BTBD7: variants seen among roughly 807,000 people sequenced by gnomAD.
BTBD7 encodes BTB/POZ domain-containing protein 7.
A neutral mutation model predicts 99.9 loss-of-function variants in BTBD7; 38 were observed. The ratio of observed to expected loss-of-function variants is 0.38; its 90% CI spans 0.29 to 0.50. The LOEUF is 0.50. Ranked by LOEUF, BTBD7 falls within the 20% of genes least tolerant of loss-of-function variation. The pLI is 0.93. For missense variants in BTBD7, 1,170 were observed against 1,394.6 expected (o/e 0.84, Z 2.57); for synonymous variants, 520 against 511.4 (o/e 1.02, Z -0.23).
chr14:93,288,392 T>C (rs576959380), intron 3 of BTBD7: 1 of 637,700 alleles, frequency 1.6e-6, no homozygotes, highest in East Asian at 2.7e-5. Context: ...ATGCTTCCAT[T>C]ATATCTTTCA....
chr14:93,268,065 C>A (rs552516100), intron 3 of BTBD7, among the ~76,000 whole-genome samples: 54 of 152,318 alleles, frequency 3.5e-4, no homozygotes, highest in Admixed American at 3.2e-3. Flanking sequence ...CCCATCCCTG[C>A]GCAGACTCTA....
chr14:93,308,069 C>T (rs187685426), intron 1 of BTBD7, among the ~76,000 whole-genome samples: 6 of 151,946 alleles, frequency 3.9e-5, no homozygotes, highest in South Asian at 2.1e-4. Flanking sequence ...CCGAGGTGGG[C>T]GGATCATGAG....
chr14:93,289,138 G>T (rs1243820228), intron 3 of BTBD7, among the ~76,000 whole-genome samples: 1 of 152,120 alleles, frequency 6.6e-6, no homozygotes, highest in Non-Finnish European at 1.5e-5. Flanking sequence ...CAGACAAATG[G>T]ACCACTGGGA....
intron 1 of BTBD7, among the ~76,000 whole-genome samples, chr14:93,319,107 T>C (rs565639821): frequency 2.0e-5 from 3 of 152,304 alleles, no homozygotes; most frequent in African/African-American, 7.2e-5. Flanking sequence ...CTCCGGAGGC[T>C]GAGATGAGGG....
chr14:93,253,515 G>T, intron 7 of BTBD7, 132 bp downstream of exon 7: 1 of 779,494 alleles, frequency 1.3e-6, no homozygotes, highest in Non-Finnish European at 1.8e-6. Flanking sequence ...AGTCAAACTA[G>T]AACTTACTTT....
intron 3 of BTBD7, chr14:93,288,250 T>C (rs2052804490): frequency 4.4e-6 from 2 of 459,344 alleles, no homozygotes; most frequent in Non-Finnish European, 7.6e-6. Flanking sequence ...TCTTCACTTT[T>C]CTCTGGTATA....
intron 6 of BTBD7, among the ~76,000 whole-genome samples, chr14:93,254,605 A>G (rs1369339254): frequency 1.3e-5 from 2 of 152,208 alleles, no homozygotes; most frequent in African/African-American, 4.8e-5. Context: ...CATCTCCTTT[A>G]CCTGGGCTTC....
intron 1 of BTBD7, among the ~76,000 whole-genome samples, chr14:93,327,018 A>G (rs1460213506): frequency 3.3e-5 from 5 of 151,906 alleles, no homozygotes; most frequent in Admixed American, 3.3e-4. Flanking sequence ...AAAATTAGCC[A>G]GGCATGGTGG....
At chr14:93,286,852 G>A (rs761385316) in intron 3 of BTBD7, among the ~76,000 whole-genome samples, 2 of 152,144 alleles carry the variant, frequency 1.3e-5, no homozygotes, top group African/African-American at 4.8e-5. Context: ...AGACTTCAAA[G>A]ATATGATAAA....
chr14:93,294,644 G>A lies in BTBD7; in HGVS notation c.376C>T (p.Arg126Trp), dbSNP rs767008228. ...LQASLARPEARTLQKDMADLY... is the reference protein window; with the variant it reads ...LQASLARPEAWTLQKDMADLY... ...TCAGCCATATCTTTCTGCAATGTCCGGGCTTCTGGTCTAGCCAAACTGGCT... is the reference window on the plus strand; with the variant it reads ...TCAGCCATATCTTTCTGCAATGTCCAGGCTTCTGGTCTAGCCAAACTGGCT... Residue 126 changes from arginine to tryptophan, a missense_variant, in exon 3 of 11, where the codon CGG (arginine) becomes TGG (tryptophan). Transcript: ENST00000334746. 9.3e-6 allele frequency: 15 copies of A among 1,613,920 alleles called. No individual in the cohort carries two copies. Among genetic ancestry groups the A allele is most frequent in the Admixed American group, 1.7e-5 (1 of 59,990 alleles).
intron 1 of BTBD7, among the ~76,000 whole-genome samples, chr14:93,311,884 G>A (rs1202568261): frequency 6.6e-6 from 1 of 150,458 alleles, no homozygotes; most frequent in African/African-American, 2.4e-5. Context: ...CACTTTATAA[G>A]ATTTATTTTG....
intron 10 of BTBD7, chr14:93,244,135 A>G: frequency 2.1e-6 from 1 of 482,822 alleles, no homozygotes; most frequent in South Asian, 1.5e-5. Context: ...GCATGACAGG[A>G]AGCAGAGTGA....
At chr14:93,261,024 G>A (rs1052522506) in intron 5 of BTBD7, among the ~76,000 whole-genome samples, 1 of 151,988 alleles carries the variant, frequency 6.6e-6, no homozygotes, top group Non-Finnish European at 1.5e-5. Flanking sequence ...CCGAGTAGCT[G>A]GGAGTACAGG....
rs762180980 is a variant in BTBD7, at chr14:93,248,560, C to T, written c.2037G>A (p.Gly679=). The T allele has an allele frequency of 4.3e-6, 7 of 1,614,140 alleles. No individual in the cohort carries two copies. In the South Asian group the frequency reaches 7.7e-5, roughly 18 times the overall value. The change falls in exon 9 of 11, where the codon GGG becomes GGA. Residue 679 remains glycine (G), a synonymous_variant. Coordinates refer to ENST00000334746, the MANE Select transcript of BTBD7 (RefSeq NM_001002860.4). ...TTTCATAGCTGACAGTGGCGCCTTC[C>T]CCGCAGTTCAGGGCATAGGCCCTCT... ...QVQRAYALNC[G]EGATVSYEIQ...
Position 93,240,743 on chromosome 14 carries a change from A to C in BTBD7, c.*1530T>G, listed in dbSNP as rs1343060942. 1 of 152,630 alleles carries C rather than the reference A, an allele frequency of 6.6e-6. No homozygotes were observed. Among genetic ancestry groups the C allele is most frequent in the Non-Finnish European group, 1.5e-5 (1 of 68,048 alleles). 9.5% of individuals were successfully genotyped at this position (152,630 alleles called of 1,614,324 possible). A position where few individuals can be genotyped will look rare whatever the true frequency, so the allele number is the denominator to read the frequency against. On this transcript the variant is annotated 3_prime_UTR_variant, in exon 11 of 11. Coordinates refer to ENST00000334746, the MANE Select transcript of BTBD7 (RefSeq NM_001002860.4). ...TTTACATTGGAGAGTAAGAAAAAAA[A>C]CAGTCCTTAGCTCACACATTGCCCT... is the stretch of plus-strand genomic sequence containing the variant.
At chr14:93,293,803 T>A in intron 3 of BTBD7, 55 bp downstream of exon 3, 6 of 1,533,740 alleles carry the variant, frequency 3.9e-6, no homozygotes, top group Non-Finnish European at 5.2e-6. Flanking sequence ...TGTTTTCAAT[T>A]TGGAAGATCA....
intron 3 of BTBD7, among the ~76,000 whole-genome samples, chr14:93,281,328 A>T (rs1263859948): frequency 6.6e-6 from 1 of 151,786 alleles, no homozygotes; most frequent in African/African-American, 2.4e-5. Flanking sequence ...GTAGAGGCAG[A>T]GTTTCACCGT....
rs1230400418 is a variant in BTBD7 at position 93,255,012 on chromosome 14, A to G, written c.1609-1222T>C. On this transcript the variant is annotated intron_variant, in intron 6 of 10. Coordinates refer to ENST00000334746, the MANE Select transcript of BTBD7 (RefSeq NM_001002860.4). The stretch of plus-strand genomic sequence containing the variant: ...CTCCAATATTACTCTCATTAAATAT[A>G]ATCAACAGCTTCATTAGTTAAAATT... Among the ~76,000 whole-genome samples the G allele has an allele frequency of 3.9e-5, 6 of 152,364 alleles. No individual in the cohort carries two copies. In the East Asian group the frequency reaches 9.6e-4, roughly 24 times the overall value.
At chr14:93,332,611 A>G (rs1284159017) in intron 1 of BTBD7, among the ~76,000 whole-genome samples, 1 of 151,426 alleles carries the variant, frequency 6.6e-6, no homozygotes, top group East Asian at 2.0e-4. Flanking sequence ...CGGAGCGCAC[A>G]GAGACCGGCC....
Sources: gnomAD v4.1 joint callset for allele counts (sites outside exome capture counted in the v4.1 genomes callset) on GRCh38, gnomAD v4.1.1 for gene constraint, MANE v1.5 for transcripts, NCBI Gene and HGNC (gene_info 2026-07-23, HGNC 2026-07-21) for gene names.